NOTCH4: variants seen among roughly 807,000 people sequenced by gnomAD.
NOTCH4 encodes neurogenic locus notch homolog protein 4.
Under a neutral mutation model 189.0 loss-of-function variants are expected in NOTCH4, and 138 were observed. That is an observed-to-expected ratio of 0.73 (90% CI 0.64 to 0.84). The LOEUF is 0.84. Ranked by LOEUF, NOTCH4 falls within the 40% of genes least tolerant of loss-of-function variation. The pLI is 0.00. For missense variants in NOTCH4, 2,286 were observed against 2,605.4 expected (o/e 0.88, Z 2.67); for synonymous variants, 942 against 1,032.8 (o/e 0.91, Z 1.69).
intron 12 of NOTCH4, among the ~76,000 whole-genome samples, chr6:32,214,689 A>C (rs1288723306): frequency 6.6e-6 from 1 of 150,592 alleles, no homozygotes; most frequent in Non-Finnish European, 1.5e-5. Context: ...GTGCAGTGGC[A>C]TGATCTTGGC....
Position 32,204,409 on chromosome 6 carries a change from G to C in NOTCH4, c.2866-20C>G, listed in dbSNP as rs1309060742. The C allele has an allele frequency of 6.2e-7, 1 of 1,609,320 alleles. No homozygotes were observed. The highest frequency in any genetic ancestry group is 8.5e-7 in the Non-Finnish European group (1 of 1,177,288). ...GGCACACTGCAGACAAAGAGGATTA[G>C]ACAGGGAACCAGTGGATGAGCCCAA... On this transcript the variant is annotated intron_variant, in intron 18 of 29. Coordinates refer to ENST00000375023, the MANE Select transcript of NOTCH4 (RefSeq NM_004557.4).
intron 18 of NOTCH4, among the ~76,000 whole-genome samples, chr6:32,205,385 T>C (rs1033512993): frequency 1.3e-5 from 2 of 151,472 alleles, no homozygotes; most frequent in Non-Finnish European, 2.9e-5. Flanking sequence ...CCATCTCTAC[T>C]ATAAATACAA....
At position 32,199,079 on chromosome 6, in the gene NOTCH4, G is replaced by A; in HGVS notation, c.4382C>T (p.Ala1461Val). The A allele has an allele frequency of 6.2e-7, 1 of 1,612,706 alleles. No individual in the cohort carries two copies. The highest frequency in any genetic ancestry group is 1.3e-5 in the African/African-American group (1 of 75,072). ...CSPVAGVILL[A>V]LGALLVLQLI... is the part of the protein sequence containing the mutation. ...CTGGAGGACGAGAAGAGCCCCTAGG[G>A]CCAGGAGAATCACCCCGGCCACTGG... Residue 1461 changes from alanine (A) to valine (V), a missense_variant, in exon 24 of 30, where the codon GCC (alanine) becomes GTC (valine). Transcript: ENST00000375023. This position sits in a 1 kb window ranked among gnomAD's most constrained non-coding sequence, Gnocchi z 4.9.
Position 32,210,822 on chromosome 6 carries a change from T to C in NOTCH4, c.2795A>G (p.Asn932Ser), listed in dbSNP as rs766572091. The change falls in exon 18 of 30, where the codon AAC (asparagine) becomes AGC (serine). Residue 932 changes from asparagine to serine, a missense_variant. Around this residue, in one of 2 missense-constraint regions of NOTCH4, gnomAD observed 1,903 missense variants for 2,261.9 expected, o/e 0.84. Transcript: ENST00000375023. This position sits in a 1 kb window ranked among gnomAD's most constrained non-coding sequence, Gnocchi z 4.8. ...FQGSLCQDHVNPCESRPCQNG... is the reference protein window; with the variant it reads ...FQGSLCQDHVSPCESRPCQNG... ...CTGGCAAGGCCTGGACTCACATGGG[T>C]TCACGTGATCCTGGCACAGGCTGCC... 1.6e-5 allele frequency: 25 copies of C among 1,612,874 alleles called. No homozygotes were observed. Among genetic ancestry groups the C allele is most frequent in the Non-Finnish European group, 1.9e-5 (23 of 1,180,002 alleles).
In NOTCH4 at chr6:32,195,610, C is replaced by A; in HGVS notation, c.5839G>T (p.Asp1947Tyr). The A allele has an allele frequency of 6.2e-7, 1 of 1,613,084 alleles. No individual in the cohort carries two copies. Among genetic ancestry groups the A allele is most frequent in the South Asian group, 1.1e-5 (1 of 91,080 alleles). The change falls in exon 30 of 30, where the codon GAT (aspartate) becomes TAT (tyrosine). Residue 1947 changes from aspartate (D) to tyrosine (Y), a missense_variant. Physicochemically the swap from Asp to Tyr is radical, Grantham distance 160 (BLOSUM62 -3). Transcript: ENST00000375023. This position sits in a 1 kb window ranked among gnomAD's most constrained non-coding sequence, Gnocchi z 5.4. ...AAGRGGRVST[D>Y]DWPCDWVALG... ...GCCACCCAATCACAGGGCCAGTCATCCGTTGAGACCCTGCCTCCGCGCCCG... is the reference window on the plus strand; with the variant it reads ...GCCACCCAATCACAGGGCCAGTCATACGTTGAGACCCTGCCTCCGCGCCCG...
Position 32,197,313 on chromosome 6 carries a change from G to T in NOTCH4, c.5038C>A (p.Arg1680=). The change falls in exon 27 of 30, where the codon CGG becomes AGG. Residue 1680 remains arginine (R), a synonymous_variant. Coordinates refer to ENST00000375023, the MANE Select transcript of NOTCH4 (RefSeq NM_004557.4). ...PLHAAVAADA[R]EVCQLLLRSR... Reference sequence around the variant, plus strand: ...TGTGTGCTAACCTGGCAGACCTCCCGAGCATCAGCAGCCACAGCAGCATGA... The same window carrying T: ...TGTGTGCTAACCTGGCAGACCTCCCTAGCATCAGCAGCCACAGCAGCATGA... 1 of 1,526,778 alleles carries T rather than the reference G, an allele frequency of 6.5e-7. No individual in the cohort carries two copies. Among genetic ancestry groups the T allele is most frequent in the Non-Finnish European group, 8.8e-7 (1 of 1,140,302 alleles). The allele number at this position is 1,526,778 out of a possible 1,614,324, so 94.6% of individuals were successfully genotyped here.
chr6:32,203,632 C>T (rs776903095), intron 20 of NOTCH4, 138 bp downstream of exon 20: 1 of 641,696 alleles, frequency 1.6e-6, no homozygotes, highest in Non-Finnish European at 2.6e-6. Context: ...AGACACTTCC[C>T]ACTGTGAGCT....
chr6:32,220,988 G>C lies in NOTCH4; in HGVS notation c.789C>G (p.Leu263=), dbSNP rs909200976. Residue 263 remains leucine, a synonymous_variant, in exon 4 of 30, where the codon CTC becomes CTG. Transcript: ENST00000375023. ...CCTGTGAGGACACACCTGGGGGACA[G>C]AGGCAGAGGTGAAAGGTGGAGTCTT... ...PEKDSTFHLC[L]CPPGFIGPDC... 4 of 1,602,120 alleles carry C rather than the reference G, an allele frequency of 2.5e-6. No homozygotes were observed. The South Asian group carries it at 4.5e-5, about 18-fold the overall frequency.
chr6:32,202,493 C>T lies in NOTCH4; in HGVS notation c.3338G>A (p.Arg1113His), dbSNP rs187627302. The T allele has an allele frequency of 4.2e-5, 68 of 1,612,444 alleles. No homozygotes were observed. The East Asian group carries it at 1.0e-3, about 24-fold the overall frequency. The change falls in exon 21 of 30, where the codon CGC becomes CAC. Residue 1113 changes from arginine to histidine, a missense_variant. Physicochemically the swap from Arg to His is conservative, Grantham distance 29. This residue lies in a region of NOTCH4 where 1,903 missense variants were observed against 2,261.9 expected (regional missense o/e 0.84). Transcript: ENST00000375023. This position sits in a 1 kb window ranked among gnomAD's most constrained non-coding sequence, Gnocchi z 5.7. ...LPSPKPGFPPRCACLSGYGGP... is the reference protein window; with the variant it reads ...LPSPKPGFPPHCACLSGYGGP... ...CCCATAGCCACTGAGGCAGGCACAG[C>T]GTGGTGGGAAGCCTGGCTTAGGGGA...
intron 1 of NOTCH4, among the ~76,000 whole-genome samples, chr6:32,223,545 T>C (rs1789930877): frequency 6.6e-6 from 1 of 151,948 alleles, no homozygotes; most frequent in Non-Finnish European, 1.5e-5. Flanking sequence ...CCCAAGCAGG[T>C]GGTCAGTGTG....
chr6:32,206,036 CA>C (rs148768186), intron 18 of NOTCH4, among the ~76,000 whole-genome samples: 9,373 of 136,212 alleles, frequency 0.069, 346 homozygotes, highest in South Asian at 0.11. Context: ...GACTCTGTCT[CA>C]AAAAAAAAAA....
At chr6:32,208,823 C>G (rs1018750646) in intron 18 of NOTCH4, among the ~76,000 whole-genome samples, 12 of 152,144 alleles carry the variant, frequency 7.9e-5, no homozygotes, top group Non-Finnish European at 1.5e-5. Flanking sequence ...GGAATGTAAA[C>G]TAACACAGCC....
chr6:32,206,994 G>A lies in NOTCH4; in HGVS notation c.2866-2605C>T, dbSNP rs968758660. ...TTGCCAGGCTGGAGTGCAATGGCACGATCTGGCTCACTGCAACCTCCACCT... is the reference window on the plus strand; with the variant it reads ...TTGCCAGGCTGGAGTGCAATGGCACAATCTGGCTCACTGCAACCTCCACCT... On this transcript the variant is annotated intron_variant, in intron 18 of 29. Coordinates refer to ENST00000375023, the MANE Select transcript of NOTCH4 (RefSeq NM_004557.4). 5.3e-5 allele frequency among the ~76,000 whole-genome samples: 8 copies of A among 150,354 alleles called. 1 individual carries two copies. Among genetic ancestry groups the A allele is most frequent in the South Asian group, 4.2e-4 (2 of 4,746 alleles).
Position 32,218,095 on chromosome 6 carries a change from C to T in NOTCH4, c.1524G>A (p.Gln508=). Residue 508 remains glutamine (Q), a synonymous_variant, in exon 9 of 30, where the codon CAG becomes CAA. Transcript: ENST00000375023. ...HCLCPPGLEG[Q]LCEVETNECA... ...ACTCGTTGGTCTCCACCTCACAGAG[C>T]TGCCCTTCTAAGCCTGGGGACATGG... is the stretch of plus-strand genomic sequence containing the variant. 1 of 1,611,734 alleles carries T rather than the reference C, an allele frequency of 6.2e-7. No individual in the cohort carries two copies. Among genetic ancestry groups the T allele is most frequent in the African/African-American group, 1.3e-5 (1 of 74,986 alleles).
Position 32,198,960 on chromosome 6 carries a change from G to T in NOTCH4, c.4501C>A (p.Arg1501=). The change falls in exon 24 of 30, where the codon CGG becomes AGG. Residue 1501 remains arginine (R), a synonymous_variant. Coordinates refer to ENST00000375023, the MANE Select transcript of NOTCH4 (RefSeq NM_004557.4). This position sits in a 1 kb window ranked among gnomAD's most constrained non-coding sequence, Gnocchi z 5.5. ...PRTQSAPHRR[R]PPLGEDSIGL... ...ATGCTGTCCTCGCCTAGTGGGGGCC[G>T]GCGTCGGTGGGGAGCTGACTGAGTC... 6.3e-7 allele frequency: 1 copy of T among 1,598,886 alleles called. No homozygotes were observed. The highest frequency in any genetic ancestry group is 8.5e-7 in the Non-Finnish European group (1 of 1,171,878).
At position 32,195,585 on chromosome 6, in the gene NOTCH4, G is replaced by A. The variant is rs1476443176; in HGVS notation, c.5864C>T (p.Ala1955Val). Residue 1955 changes from alanine (A) to valine (V), a missense_variant, in exon 30 of 30, where the codon GCC becomes GTC. This residue lies in a region of NOTCH4 where 383 missense variants were observed against 343.5 expected (regional missense o/e 1.11). Coordinates refer to ENST00000375023, the MANE Select transcript of NOTCH4 (RefSeq NM_004557.4). This position sits in a 1 kb window ranked among gnomAD's most constrained non-coding sequence, Gnocchi z 5.4. ...STDDWPCDWV[A>V]LGACGSASNI... ...GGAGGCAGAACCGCAAGCTCCCAGGGCCACCCAATCACAGGGCCAGTCATC... is the reference window on the plus strand; with the variant it reads ...GGAGGCAGAACCGCAAGCTCCCAGGACCACCCAATCACAGGGCCAGTCATC... The A allele has an allele frequency of 3.7e-6, 6 of 1,612,990 alleles. No homozygotes were observed. The highest frequency in any genetic ancestry group is 5.1e-6 in the Non-Finnish European group (6 of 1,180,042).
chr6:32,219,578 C>G lies in NOTCH4; in HGVS notation c.1510+14G>C. On this transcript the variant is annotated intron_variant, in intron 8 of 29. Coordinates refer to ENST00000375023, the MANE Select transcript of NOTCH4 (RefSeq NM_004557.4). ...TCCCTGTTTTCCCCACCCAAGGCCC[C>G]ATCCAGCTGATACCTGGCGGGCAGA... The G allele has an allele frequency of 6.2e-7, 1 of 1,610,664 alleles. No individual in the cohort carries two copies.
chr6:32,213,027 GA>G (rs1789127620), intron 15 of NOTCH4, 107 bp downstream of exon 15: 10 of 1,248,340 alleles, frequency 8.0e-6, no homozygotes, highest in Non-Finnish European at 1.2e-5. Flanking sequence ...AGGGAAGGCG[GA>G]ACGAGGTGTG....
chr6:32,217,201 C>T lies in NOTCH4; in HGVS notation c.1690G>A (p.Gly564Arg), dbSNP rs139811819. The change falls in exon 10 of 30, where the codon GGG becomes AGG. Residue 564 changes from glycine (G) to arginine (R), a missense_variant. This residue lies in a region of NOTCH4 where 1,903 missense variants were observed against 2,261.9 expected (regional missense o/e 0.84). Coordinates refer to ENST00000375023, the MANE Select transcript of NOTCH4 (RefSeq NM_004557.4). The surrounding 1 kb of genome is among the most constrained non-coding windows in gnomAD (Gnocchi z 4.2). ...GCTCCAGGCTGGTCCTGGCACTGCC[C>T]ACCATTGGCACAGGGAGAGCTTCTG... ...ECRSSPCANG[G>R]QCQDQPGAFH... 1.2e-6 allele frequency: 2 copies of T among 1,613,080 alleles called. No individual in the cohort carries two copies. Among genetic ancestry groups the T allele is most frequent in the East Asian group, 2.2e-5 (1 of 44,884 alleles).
Sources: gnomAD v4.1 joint callset for allele counts (sites outside exome capture counted in the v4.1 genomes callset) on GRCh38, gnomAD v4.1.1 for gene constraint, gnomAD v4.1.1 regional missense constraint, Gnocchi (gnomAD v3.1) non-coding constraint, MANE v1.5 for transcripts, NCBI Gene and HGNC (gene_info 2026-07-23, HGNC 2026-07-21) for gene names.